TTN: variants seen among roughly 807,000 people sequenced by gnomAD.
The protein encoded by TTN is titin, also known as connectin.
TTN carries 1,525 observed loss-of-function variants against 3,223.0 expected under a neutral mutation model. The ratio of observed to expected loss-of-function variants is 0.47; its 90% CI spans 0.45 to 0.49. TTN has a LOEUF of 0.49. TTN is among the 20% of genes least tolerant of loss of function. The pLI, the probability that TTN is intolerant of heterozygous loss-of-function variation, is 0.00. For synonymous variants in TTN, 14,094 were observed against 15,161.0 expected, an observed-to-expected ratio of 0.93 and a Z score of 5.17; for missense variants, 40,786 against 43,424.0, an observed-to-expected ratio of 0.94 and a Z score of 5.40.
Position 178,704,501 on chromosome 2 carries a change from C to G in TTN, c.29962+9G>C. 1 of 1,601,234 alleles carries G rather than the reference C, an allele frequency of 6.2e-7. No individual in the cohort carries two copies. Among genetic ancestry groups the G allele is most frequent in the Non-Finnish European group, 8.5e-7 (1 of 1,173,216 alleles). ...CTCACAAGTATTTCATAAGCCTTTT[C>G]TAACTTACCAATTACAGTTAGTTTA... On this transcript the variant is annotated intron_variant, in intron 105 of 362. Coordinates refer to ENST00000589042, the MANE Select transcript of TTN (RefSeq NM_001267550.2).
chr2:178,550,681 G>C, intron 336 of TTN: 2 of 450,896 alleles, frequency 4.4e-6, no homozygotes, highest in African/African-American at 2.0e-5. Flanking sequence ...TTATTCTCGA[G>C]AACCTTTTCT....
In TTN at chr2:178,589,787, A is replaced by G; in HGVS notation, c.61938T>C (p.Asn20646=). The stretch of plus-strand genomic sequence containing the variant: ...CGATGGTTGGCCCAACACCTACTTT[A>G]TTCTCTGCACAAACTCGGAAATAGT... ...NEYYFRVCAE[N]KVGVGPTIET... is the part of the protein sequence containing the mutation. Residue 20646 remains asparagine (N), a synonymous_variant, in exon 304 of 363, where the codon AAT becomes AAC. Transcript: ENST00000589042. 6 of 1,613,562 alleles carry G rather than the reference A, an allele frequency of 3.7e-6. No individual in the cohort carries two copies. The highest frequency in any genetic ancestry group is 5.1e-6 in the Non-Finnish European group (6 of 1,179,610).
chr2:178,605,480 C>G lies in TTN; in HGVS notation c.53815G>C (p.Ala17939Pro). 6.2e-7 allele frequency: 1 copy of G among 1,611,992 alleles called. No homozygotes were observed. Among genetic ancestry groups the G allele is most frequent in the Non-Finnish European group, 8.5e-7 (1 of 1,178,774 alleles). ...EHQMYEFRVK[A>P]VNEIGESEPS... is the part of the protein sequence containing the mutation. ...TCACTTTCACCAATTTCATTGACAG[C>G]TTTGACACGGAACTCATACATTTGG... The change falls in exon 279 of 363, where the codon GCT becomes CCT. Residue 17939 changes from alanine to proline, a missense_variant. Transcript: ENST00000589042.
In TTN at chr2:178,802,355, A is replaced by G. The variant is rs2094111476; in HGVS notation, c.92-14T>C. On this transcript the variant is annotated splice_polypyrimidine_tract_variant and intron_variant, in intron 2 of 362. Coordinates refer to ENST00000589042, the MANE Select transcript of TTN (RefSeq NM_001267550.2). Reference sequence around the variant, plus strand: ...GAACTGGAAAACCTGAAGAGCAAGAACAATTCACCTTTATGTTTGAATGGG... The same window carrying G: ...GAACTGGAAAACCTGAAGAGCAAGAGCAATTCACCTTTATGTTTGAATGGG... The G allele has an allele frequency of 3.7e-6, 6 of 1,611,892 alleles. No homozygotes were observed. The highest frequency in any genetic ancestry group is 5.1e-6 in the Non-Finnish European group (6 of 1,178,764).
chr2:178,599,269 A>G lies in TTN; in HGVS notation c.56524T>C (p.Cys18842Arg), dbSNP rs371437953. The G allele has an allele frequency of 1.9e-6, 3 of 1,584,790 alleles. No individual in the cohort carries two copies. The highest frequency in any genetic ancestry group is 2.6e-6 in the Non-Finnish European group (3 of 1,170,350). The change falls in exon 290 of 363, where the codon TGC becomes CGC. Residue 18842 changes from cysteine (C) to arginine (R), a missense_variant. Coordinates refer to ENST00000589042, the MANE Select transcript of TTN (RefSeq NM_001267550.2). ...AGCAATTTGGGAATCGTGTACGTGC[A>G]CTCCTTAGGTTCACTGGAGACATGG... Reference protein sequence around the residue: ...WVHVSSEPKECTYTIPKLLEG... With the variant: ...WVHVSSEPKERTYTIPKLLEG...
At position 178,574,609 on chromosome 2, in the gene TTN, A is replaced by G. The variant is rs1285049327; in HGVS notation, c.71523T>C (p.Asp23841=). The change falls in exon 326 of 363, where the codon GAT becomes GAC. Residue 23841 remains aspartate, a synonymous_variant. Coordinates refer to ENST00000589042, the MANE Select transcript of TTN (RefSeq NM_001267550.2). ...GCTCATGCCAGCTAATTGTCATTGA[A>G]TCCTTGGTAACTGCAGTTACCTGAG... The part of the protein sequence containing the change: ...GTPQVTAVTK[D]SMTISWHEPL... 1 of 1,613,324 alleles carries G rather than the reference A, an allele frequency of 6.2e-7. No homozygotes were observed. Among genetic ancestry groups the G allele is most frequent in the South Asian group, 1.1e-5 (1 of 91,046 alleles).
At chr2:178,587,014 A>G in intron 307 of TTN, 104 bp downstream of exon 307, 1 of 1,489,248 alleles carries the variant, frequency 6.7e-7, no homozygotes, top group Non-Finnish European at 9.2e-7. Flanking sequence ...TTCGGTCTCT[A>G]CAAATGAAAT....
In TTN at chr2:178,636,574, G is replaced by C; in HGVS notation, c.41153C>G (p.Thr13718Ser). ...GATATTGCTACCGTCTTTCATCCAG[G>C]TTGTAATTGCAGTGGAAGGGGAGAC... ...CLVSPSTAIT[T>S]WMKDGSNIRE... The change falls in exon 225 of 363, where the codon ACC (threonine) becomes AGC (serine). Residue 13718 changes from threonine to serine, a missense_variant. By Grantham distance (58) the Thr-to-Ser change is moderately conservative. Coordinates refer to ENST00000589042, the MANE Select transcript of TTN (RefSeq NM_001267550.2). The surrounding 1 kb of genome is among the most constrained non-coding windows in gnomAD (Gnocchi z 4.3). 1 of 1,613,458 alleles carries C rather than the reference G, an allele frequency of 6.2e-7. No individual in the cohort carries two copies. The highest frequency in any genetic ancestry group is 8.5e-7 in the Non-Finnish European group (1 of 1,179,602).
chr2:178,794,483 C>T lies in TTN; in HGVS notation c.1314G>A (p.Val438=), dbSNP rs565472070. The change falls in exon 8 of 363, where the codon GTG becomes GTA. Residue 438 remains valine, a synonymous_variant. Transcript: ENST00000589042. ...CTACAGCGCTGATCACTGGTTCTCT[C>T]ACTCTGGCCATATCAACGGCAGCAA... is the stretch of plus-strand genomic sequence containing the variant. The part of the protein sequence containing the change: ...TVVAAVDMAR[V]REPVISAVEQ... 6.2e-6 allele frequency: 10 copies of T among 1,614,214 alleles called. No individual in the cohort carries two copies. In the East Asian group the frequency reaches 2.2e-4, roughly 36 times the overall value.
rs376833905 is a variant in TTN at position 178,547,862 on chromosome 2, C to T, written c.93764G>A (p.Arg31255Lys). Reference protein sequence around the residue: ...PKVTWKLEEMRLKETDRVSIT... With the variant: ...PKVTWKLEEMKLKETDRVSIT... Reference sequence around the variant, plus strand: ...GCTCACTCGATCTGTCTCTTTAAGTCTCATTTCTTCCAGTTTCCATGTTAC... The same window carrying T: ...GCTCACTCGATCTGTCTCTTTAAGTTTCATTTCTTCCAGTTTCCATGTTAC... The change falls in exon 339 of 363, where the codon AGA (arginine) becomes AAA (lysine). Residue 31255 changes from arginine (R) to lysine (K), a missense_variant. Coordinates refer to ENST00000589042, the MANE Select transcript of TTN (RefSeq NM_001267550.2). 6 of 1,613,706 alleles carry T rather than the reference C, an allele frequency of 3.7e-6. No individual in the cohort carries two copies. Among genetic ancestry groups the T allele is most frequent in the Non-Finnish European group, 5.1e-6 (6 of 1,179,832 alleles).
intron 13 of TTN, among the ~76,000 whole-genome samples, chr2:178,788,577 A>G (rs1196654578): frequency 6.6e-6 from 1 of 152,124 alleles, no homozygotes; most frequent in Non-Finnish European, 1.5e-5. Context: ...GATTCAGGCC[A>G]TCCTGCTAAT....
chr2:178,731,575 A>G lies in TTN; in HGVS notation c.17191T>C (p.Ser5731Pro), dbSNP rs1578170411. ...SARVTLREPP[S>P]FIKKIESTSS... ...GTACTCTCGATCTTCTTTATGAAGG[A>G]TGGGGGTTCTAACAGAAGAATGAAT... Residue 5731 changes from serine (S) to proline (P), a missense_variant, in exon 59 of 363, where the codon TCC becomes CCC. Coordinates refer to ENST00000589042, the MANE Select transcript of TTN (RefSeq NM_001267550.2). The G allele has an allele frequency of 6.3e-7, 1 of 1,598,872 alleles. No homozygotes were observed. The highest frequency in any genetic ancestry group is 8.5e-7 in the Non-Finnish European group (1 of 1,171,842).
chr2:178,742,083 T>C (rs2082594675), intron 47 of TTN, among the ~76,000 whole-genome samples, 162 bp from the exon 48 acceptor site: 1 of 152,112 alleles, frequency 6.6e-6, no homozygotes, highest in South Asian at 2.1e-4. Context: ...TTCTAAATTT[T>C]TCTTAGCTTA....
rs2056522991 is a variant in TTN at position 178,612,541 on chromosome 2, T to C, written c.49984A>G (p.Asn16662Asp). The C allele has an allele frequency of 6.2e-7, 1 of 1,611,478 alleles. No homozygotes were observed. Among genetic ancestry groups the C allele is most frequent in the Admixed American group, 1.7e-5 (1 of 59,832 alleles). ...AGGTCTGCTGTATTTTTTGTGATATTAATAACTTCAAGCCAGCGTGGTGGT... is the reference window on the plus strand; with the variant it reads ...AGGTCTGCTGTATTTTTTGTGATATCAATAACTTCAAGCCAGCGTGGTGGT... ...PSPPRWLEVI[N>D]ITKNTADLKW... Residue 16662 changes from asparagine to aspartate, a missense_variant, in exon 266 of 363, where the codon AAT (asparagine) becomes GAT (aspartate). Coordinates refer to ENST00000589042, the MANE Select transcript of TTN (RefSeq NM_001267550.2).
rs763710399 is a variant in TTN, at chr2:178,573,820, C to T, written c.72312G>A (p.Ala24104=). ...RRDSGAYTLT[A]TNPGGFAKHI... ...GTTTAGCAAAGCCACCAGGATTAGTCGCTGTAAGGGTATAGGCACCACTAT... is the reference window on the plus strand; with the variant it reads ...GTTTAGCAAAGCCACCAGGATTAGTTGCTGTAAGGGTATAGGCACCACTAT... The change falls in exon 326 of 363, where the codon GCG becomes GCA. Residue 24104 remains alanine (A), a synonymous_variant. Transcript: ENST00000589042. 1.1e-5 allele frequency: 17 copies of T among 1,611,434 alleles called. No individual in the cohort carries two copies. The highest frequency in any genetic ancestry group is 6.7e-5 in the East Asian group (3 of 44,740).
chr2:178,667,127 C>A, intron 162 of TTN, 109 bp downstream of exon 162: 1 of 1,106,912 alleles, frequency 9.0e-7, no homozygotes, highest in South Asian at 1.6e-5. Context: ...CCTTTAAACA[C>A]AGTATTTTAA....
Position 178,635,764 on chromosome 2 carries a change from T to C in TTN, c.41609-49A>G, listed in dbSNP as rs372880495. 52 of 1,541,926 alleles carry C rather than the reference T, an allele frequency of 3.4e-5. No homozygotes were observed. In the African/African-American group the frequency reaches 6.4e-4, roughly 19 times the overall value. Reference sequence around the variant, plus strand: ...AAATGATTAAGGTCTGAACAAGTAATATACATAGCTTCCTTAGTAAATTTC... The same window carrying C: ...AAATGATTAAGGTCTGAACAAGTAACATACATAGCTTCCTTAGTAAATTTC... On this transcript the variant is annotated intron_variant, in intron 226 of 362. Transcript: ENST00000589042.
rs375103237 is a variant in TTN, at chr2:178,741,793, C to T, written c.11440G>A (p.Glu3814Lys). The T allele has an allele frequency of 5.9e-5, 95 of 1,613,236 alleles. 1 individual carries two copies. Among genetic ancestry groups the T allele is most frequent in the Middle Eastern group, 5.0e-4 (3 of 6,058 alleles). ...AAAATTGGGCCAGTGCCTTCCTTTTCGGAATCAAATTTAGTTGGGTAAACT... is the reference window on the plus strand; with the variant it reads ...AAAATTGGGCCAGTGCCTTCCTTTTTGGAATCAAATTTAGTTGGGTAAACT... ...SPVYPTKFDSEKEGTGPIFIK... is the reference protein window; with the variant it reads ...SPVYPTKFDSKKEGTGPIFIK... The change falls in exon 48 of 363, where the codon GAA becomes AAA. Residue 3814 changes from glutamate to lysine, a missense_variant. Glu to Lys is a moderately conservative substitution (Grantham distance 56, BLOSUM62 1). Transcript: ENST00000589042.
At chr2:178,806,347 A>G (rs964226482) in intron 1 of TTN, among the ~76,000 whole-genome samples, 5 of 152,230 alleles carry the variant, frequency 3.3e-5, no homozygotes, top group African/African-American at 4.8e-5. Context: ...CTATGTATTT[A>G]CAGGCATTGA....
Sources: allele counts gnomAD v4.1 joint callset (sites outside exome capture counted in the v4.1 genomes callset), GRCh38; gene constraint gnomAD v4.1.1; non-coding constraint Gnocchi (gnomAD v3.1); transcripts MANE v1.5; gene names NCBI Gene and HGNC (gene_info 2026-07-23, HGNC 2026-07-21).